The following PDE6A variants were observed in gnomAD, a reference collection of about 807,000 sequenced individuals.
The protein encoded by PDE6A is rod cGMP-specific 3',5'-cyclic phosphodiesterase subunit alpha.
A neutral mutation model predicts 106.3 loss-of-function variants in PDE6A; 84 were observed. The ratio of observed to expected loss-of-function variants is 0.79; its 90% CI spans 0.66 to 0.95. PDE6A has a LOEUF of 0.95. Ranked by LOEUF, PDE6A falls within the 40% of genes least tolerant of loss-of-function variation. The pLI, the probability that PDE6A is intolerant of heterozygous loss-of-function variation, is 0.00. For synonymous variants in PDE6A, 394 were observed against 386.6 expected (o/e 1.02, Z -0.23); for missense variants, 1,052 against 1,084.9 (o/e 0.97, Z 0.43).
At chr5:149,861,050 A>C (rs1409132571) in intron 21 of PDE6A, 79 bp from the exon 22 acceptor site, 21 of 1,324,046 alleles carry the variant, frequency 1.6e-5, no homozygotes, top group Non-Finnish European at 2.2e-5. Context: ...ATTTGGACCA[A>C]GAGTTGCAAA....
At chr5:149,939,712 G>A (rs1043354133) in intron 1 of PDE6A, among the ~76,000 whole-genome samples, 3 of 152,078 alleles carry the variant, frequency 2.0e-5, no homozygotes, top group Admixed American at 6.5e-5. Context: ...CAAGCTAAAC[G>A]ATTTGCCAAG....
At chr5:149,886,062 A>C (rs1176206407) in intron 14 of PDE6A, among the ~76,000 whole-genome samples, 1 of 152,210 alleles carries the variant, frequency 6.6e-6, no homozygotes, top group African/African-American at 2.4e-5. Flanking sequence ...CATATTCCCC[A>C]GCTCAGGGAT....
intron 17 of PDE6A, among the ~76,000 whole-genome samples, chr5:149,869,329 CAAAAAA>C (rs11316552): frequency 1.1e-5 from 1 of 91,384 alleles, no homozygotes. Context: ...GACTCCATAT[CAAAAAA>C]AAAAAAAAAA....
intron 5 of PDE6A, among the ~76,000 whole-genome samples, chr5:149,921,088 A>G (rs1297943920): frequency 3.9e-5 from 6 of 152,168 alleles, no homozygotes; most frequent in Non-Finnish European, 1.5e-5. Context: ...ATTATAGACT[A>G]GATATGAAGG....
In PDE6A at chr5:149,863,249, G is replaced by T. The variant is rs755144386; in HGVS notation, c.2376C>A (p.His792Gln). Residue 792 changes from histidine (H) to glutamine (Q), a missense_variant, in exon 21 of 22, where the codon CAC (histidine) becomes CAA (glutamine). By Grantham distance (24) the His-to-Gln change is conservative. Around this residue, in one of 3 missense-constraint regions of PDE6A, gnomAD observed 135 missense variants for 153.2 expected, o/e 0.88. Coordinates refer to ENST00000255266, the MANE Select transcript of PDE6A (RefSeq NM_000440.3). The surrounding 1 kb of genome is among the most constrained non-coding windows in gnomAD (Gnocchi z 4.7). ...CGTCCAACATTGGGGTGATCTCCTC[G>T]TGGAAACGGGAGAATTCCTAGAAGA... The part of the protein sequence containing the change: ...TFVYKEFSRF[H>Q]EEITPMLDGI... 2 of 1,614,148 alleles carry T rather than the reference G, an allele frequency of 1.2e-6. No homozygotes were observed. Among genetic ancestry groups the T allele is most frequent in the East Asian group, 2.2e-5 (1 of 44,882 alleles).
intron 3 of PDE6A, 59 bp from the exon 4 acceptor site, chr5:149,931,227 G>A: frequency 6.6e-7 from 1 of 1,513,192 alleles, no homozygotes; most frequent in Non-Finnish European, 9.2e-7. Flanking sequence ...AGCTCACTTA[G>A]CTGGAGAATA....
In PDE6A at chr5:149,863,112, C is replaced by T. The variant is rs1382186195; in HGVS notation, c.2506+7G>A. 1.2e-6 allele frequency: 2 copies of T among 1,614,220 alleles called. No homozygotes were observed. The highest frequency in any genetic ancestry group is 3.3e-5 in the Admixed American group (2 of 60,022). On this transcript the variant is annotated splice_region_variant and intron_variant, in intron 21 of 21. Transcript: ENST00000255266. The surrounding 1 kb of genome is among the most constrained non-coding windows in gnomAD (Gnocchi z 4.7). The stretch of plus-strand genomic sequence containing the variant: ...GGTGGGAGTCCCTGCTTCCCCCTTC[C>T]ACAAACCTGACTTGGCCGACTGCTG...
intron 3 of PDE6A, among the ~76,000 whole-genome samples, chr5:149,933,637 A>C (rs1368705906): frequency 6.6e-6 from 1 of 152,098 alleles, no homozygotes; most frequent in Non-Finnish European, 1.5e-5. Context: ...AATCATCCCT[A>C]TTTTTCAAAT....
chr5:149,905,580 C>T (rs1753150251), intron 7 of PDE6A, among the ~76,000 whole-genome samples: 1 of 152,188 alleles, frequency 6.6e-6, no homozygotes, highest in East Asian at 1.9e-4. Flanking sequence ...ATCACAAAGC[C>T]CTGCCAGCTT....
At position 149,898,381 on chromosome 5, in the gene PDE6A, T is replaced by C. The variant is rs1182820651; in HGVS notation, c.1389A>G (p.Glu463=). Residue 463 remains glutamate, a synonymous_variant, in exon 10 of 22, where the codon GAA becomes GAG. Coordinates refer to ENST00000255266, the MANE Select transcript of PDE6A (RefSeq NM_000440.3). ...TACACACCAAGATTTTCTGAATTTC[T>C]TCATTGTCACACTTCACATGATATT... is the stretch of plus-strand genomic sequence containing the variant. ...IVKYHVKCDN[E]EIQKILKTRE... is the part of the protein sequence containing the mutation. 6.2e-7 allele frequency: 1 copy of C among 1,613,610 alleles called. No individual in the cohort carries two copies. Among genetic ancestry groups the C allele is most frequent in the Admixed American group, 1.7e-5 (1 of 60,020 alleles).
Position 149,896,727 on chromosome 5 carries a change from T to A in PDE6A, c.1457A>T (p.Glu486Val). 1.9e-6 allele frequency: 3 copies of A among 1,614,138 alleles called. No homozygotes were observed. Among genetic ancestry groups the A allele is most frequent in the East Asian group, 2.2e-5 (1 of 44,888 alleles). Residue 486 changes from glutamate (E) to valine (V), a missense_variant, in exon 11 of 22, where the codon GAG becomes GTG. Transcript: ENST00000255266. ...TCAGCTCACCAGGATCTCAGCCAGC[T>A]CCTCTTCCTCACACTCCCATGGCTC... ...GKEPWECEEE[E>V]LAEILQAELP...
chr5:149,913,381 T>TAA (rs11343433), intron 6 of PDE6A, among the ~76,000 whole-genome samples: 3 of 137,496 alleles, frequency 2.2e-5, no homozygotes, highest in Admixed American at 1.5e-4. Context: ...GACTCCATCT[T>TAA]AAAAAAAAAA....
chr5:149,864,755 G>C (rs1181734663), intron 20 of PDE6A, among the ~76,000 whole-genome samples: 2 of 152,184 alleles, frequency 1.3e-5, no homozygotes, highest in African/African-American at 4.8e-5. Flanking sequence ...AGAGCCGACT[G>C]TGTTCAGAGA....
At chr5:149,905,008 A>G (rs538680335) in intron 7 of PDE6A, among the ~76,000 whole-genome samples, 10 of 152,170 alleles carry the variant, frequency 6.6e-5, no homozygotes, top group African/African-American at 2.4e-4. Flanking sequence ...ATCCATTTTC[A>G]CTGGGGCCAC....
intron 3 of PDE6A, among the ~76,000 whole-genome samples, chr5:149,933,208 T>C (rs1234993755): frequency 1.3e-5 from 2 of 152,190 alleles, no homozygotes; most frequent in Non-Finnish European, 2.9e-5. Context: ...CCTCAAGCAA[T>C]CCTCCTACCT....
chr5:149,901,879 T>C (rs1488443947), intron 8 of PDE6A, among the ~76,000 whole-genome samples: 2 of 152,250 alleles, frequency 1.3e-5, no homozygotes, highest in Non-Finnish European at 2.9e-5. Flanking sequence ...TTTTATTTCC[T>C]TCTGAATTAT....
chr5:149,914,899 A>G (rs1753503983), intron 6 of PDE6A, 44 bp downstream of exon 6: 3 of 1,300,978 alleles, frequency 2.3e-6, no homozygotes, highest in Non-Finnish European at 3.4e-6. Flanking sequence ...TGAGATCTTT[A>G]AGCTAATTTG....
intron 19 of PDE6A, 63 bp downstream of exon 19, chr5:149,867,662 C>T: frequency 7.2e-7 from 1 of 1,389,048 alleles, no homozygotes; most frequent in Non-Finnish European, 1.0e-6. Context: ...ATGGCGAGGT[C>T]ATATCTAGGT....
intron 5 of PDE6A, among the ~76,000 whole-genome samples, chr5:149,918,003 T>A (rs1753603988): frequency 6.6e-6 from 1 of 152,184 alleles, no homozygotes; most frequent in Non-Finnish European, 1.5e-5. Flanking sequence ...ACTCTAAGGT[T>A]CTAAGGACAA....
Sources: gnomAD v4.1 joint callset for allele counts (sites outside exome capture counted in the v4.1 genomes callset) on GRCh38, gnomAD v4.1.1 for gene constraint, gnomAD v4.1.1 regional missense constraint, Gnocchi (gnomAD v3.1) non-coding constraint, MANE v1.5 for transcripts, NCBI Gene and HGNC (gene_info 2026-07-23, HGNC 2026-07-21) for gene names.